STK31: variants seen among roughly 807,000 people sequenced by gnomAD.
STK31 encodes the protein serine/threonine-protein kinase 31.
A neutral mutation model predicts 129.7 loss-of-function variants in STK31; 89 were observed. That is an observed-to-expected ratio of 0.69 (90% CI 0.58 to 0.82). STK31 has a LOEUF of 0.82. STK31 is among the 40% of genes least tolerant of loss of function. The pLI, the probability that STK31 is intolerant of heterozygous loss-of-function variation, is 0.00. For missense variants in STK31, 1,187 were observed against 1,176.4 expected (o/e 1.01, Z -0.13); for synonymous variants, 448 against 395.3 (o/e 1.13, Z -1.58).
chr7:23,713,293 A>G (rs1786092669), intron 3 of STK31, among the ~76,000 whole-genome samples: 1 of 152,186 alleles, frequency 6.6e-6, no homozygotes, highest in Non-Finnish European at 1.5e-5. Flanking sequence ...ACATATTATA[A>G]AAGATTAAAA....
At chr7:23,760,187 A>G (rs995393006) in intron 10 of STK31, among the ~76,000 whole-genome samples, 2 of 152,130 alleles carry the variant, frequency 1.3e-5, no homozygotes, top group Non-Finnish European at 2.9e-5. Context: ...ACCATTCCCT[A>G]CAACCACCAT....
At chr7:23,811,706 A>G (rs1793144731) in intron 22 of STK31, 1 of 153,948 alleles carries the variant, frequency 6.5e-6, no homozygotes, top group Non-Finnish European at 1.4e-5. Context: ...GTGCAGTTGG[A>G]AAGGCACTCC....
chr7:23,803,544 G>A (rs1242706950), intron 22 of STK31, among the ~76,000 whole-genome samples: 1 of 152,144 alleles, frequency 6.6e-6, no homozygotes, highest in African/African-American at 2.4e-5. Flanking sequence ...GACAATTCAA[G>A]TGTTGTGGGT....
chr7:23,817,174 C>G (rs902237590), intron 23 of STK31, among the ~76,000 whole-genome samples: 2 of 151,526 alleles, frequency 1.3e-5, no homozygotes, highest in Admixed American at 1.3e-4. Context: ...GGCGACAGAA[C>G]AAGACTTTGT....
At chr7:23,826,517 A>T (rs1285175564) in intron 23 of STK31, among the ~76,000 whole-genome samples, 1 of 152,118 alleles carries the variant, frequency 6.6e-6, no homozygotes, top group Non-Finnish European at 1.5e-5. Flanking sequence ...GGGTTTCCTG[A>T]ATACAGCACA....
At chr7:23,729,449 A>T (rs577756286) in intron 6 of STK31, among the ~76,000 whole-genome samples, 200 bp downstream of exon 6, 9 of 151,990 alleles carry the variant, frequency 5.9e-5, no homozygotes, top group Non-Finnish European at 1.2e-4. Flanking sequence ...TGACATACAC[A>T]TATATAATAT....
chr7:23,730,878 A>ATATATATATATTTT, intron 6 of STK31, among the ~76,000 whole-genome samples: 2 of 59,542 alleles, frequency 3.4e-5, no homozygotes, highest in Admixed American at 5.4e-4. Flanking sequence ...ATATATATAT[A>ATATATATATATTTT]TTTTTTTTTT....
At chr7:23,825,500 T>C (rs182530160) in intron 23 of STK31, among the ~76,000 whole-genome samples, 1 of 152,360 alleles carries the variant, frequency 6.6e-6, no homozygotes, top group East Asian at 1.9e-4. Flanking sequence ...TTCTTCTTTA[T>C]TAGTCTTGCT....
chr7:23,779,224 A>AG (rs1004092394), intron 15 of STK31, among the ~76,000 whole-genome samples: 1 of 152,092 alleles, frequency 6.6e-6, no homozygotes, highest in Non-Finnish European at 1.5e-5. Flanking sequence ...TTCATCCCAG[A>AG]GGGGCACCTG....
intron 23 of STK31, among the ~76,000 whole-genome samples, chr7:23,822,725 G>T (rs537836806): frequency 6.6e-6 from 1 of 152,046 alleles, no homozygotes; most frequent in African/African-American, 2.4e-5. Flanking sequence ...TTAGCATTAG[G>T]TGTATCTCCT....
At chr7:23,807,171 T>G (rs1251839734) in intron 22 of STK31, among the ~76,000 whole-genome samples, 1 of 152,154 alleles carries the variant, frequency 6.6e-6, no homozygotes, top group African/African-American at 2.4e-5. Flanking sequence ...TTTCTAATGT[T>G]TCAGCATTTC....
rs767658241 is a variant in STK31 at position 23,752,843 on chromosome 7, G to A, written c.1133+11G>A. 7.4e-5 allele frequency: 113 copies of A among 1,536,540 alleles called. No individual in the cohort carries two copies. The highest frequency in any genetic ancestry group is 8.4e-5 in the Non-Finnish European group (94 of 1,116,614). On this transcript the variant is annotated intron_variant, in intron 9 of 23. Transcript: ENST00000355870. ...ACTGAAAGAAATGAGGTAGGTAAAA[G>A]CATATTTTTCAGAAGGATATTTTAA...
At chr7:23,757,203 T>C (rs143466424) in intron 10 of STK31, among the ~76,000 whole-genome samples, 1 of 152,246 alleles carries the variant, frequency 6.6e-6, no homozygotes, top group East Asian at 1.9e-4. Context: ...ATTCAGCTTC[T>C]TCCAGAAGGG....
intron 1 of STK31, chr7:23,710,738 A>G (rs1201360494): frequency 1.9e-6 from 2 of 1,062,008 alleles, no homozygotes; most frequent in African/African-American, 3.3e-5. Flanking sequence ...GTTTGCAGAA[A>G]GTGGGTACGG....
chr7:23,719,650 A>G (rs1197873685), intron 4 of STK31, among the ~76,000 whole-genome samples: 2 of 152,152 alleles, frequency 1.3e-5, no homozygotes, highest in Non-Finnish European at 2.9e-5. Context: ...AACTGTAGAA[A>G]TACTCCCAAT....
chr7:23,801,108 GTAT>G (rs1356671594), intron 22 of STK31, among the ~76,000 whole-genome samples: 1 of 152,174 alleles, frequency 6.6e-6, no homozygotes, highest in African/African-American at 2.4e-5. Context: ...GTAATCGTAT[GTAT>G]TATTCTTTAA....
chr7:23,781,363 A>G (rs941896215), intron 15 of STK31, 56 bp from the exon 16 acceptor site: 8 of 1,333,816 alleles, frequency 6.0e-6, no homozygotes, highest in Non-Finnish European at 8.4e-6. Flanking sequence ...TGAATTCTTA[A>G]AAGAAGACTT....
At chr7:23,812,413 CTT>C (rs66609610) in intron 22 of STK31, among the ~76,000 whole-genome samples, 373 of 110,748 alleles carry the variant, frequency 3.4e-3, no homozygotes, top group African/African-American at 0.01. Flanking sequence ...CATTCCTTTC[CTT>C]TTTTTTTTTT....
rs531359228 is a variant in STK31, at chr7:23,799,763, T to G, written c.2760+8817T>G. Among the ~76,000 whole-genome samples, 18 of 152,298 alleles carry G rather than the reference T, an allele frequency of 1.2e-4. No homozygotes were observed. The East Asian group carries it at 2.9e-3, about 24-fold the overall frequency. The stretch of plus-strand genomic sequence containing the variant: ...TGGGATCTAATTAAACTAAAGAGCT[T>G]CTGCACAGCAGAAGTGAACACATCA... On this transcript the variant is annotated intron_variant, in intron 22 of 23. Transcript: ENST00000355870.
Sources: allele counts gnomAD v4.1 joint callset (sites outside exome capture counted in the v4.1 genomes callset), GRCh38; gene constraint gnomAD v4.1.1; transcripts MANE v1.5; gene names NCBI Gene and HGNC (gene_info 2026-07-23, HGNC 2026-07-21).